MLLT10: variants seen among roughly 807,000 people sequenced by gnomAD.
The protein encoded by MLLT10 is protein AF-10.
MLLT10 carries 30 observed loss-of-function variants against 129.1 expected under a neutral mutation model. The ratio of observed to expected loss-of-function variants is 0.23; its 90% CI spans 0.17 to 0.32. MLLT10 has a LOEUF of 0.32. MLLT10 is among the 10% of genes least tolerant of loss of function. The pLI is 1.00. For missense variants in MLLT10, 1,119 were observed against 1,268.3 expected (o/e 0.88, Z 1.79); for synonymous variants, 490 against 446.4 (o/e 1.10, Z -1.23).
intron 13 of MLLT10, among the ~76,000 whole-genome samples, chr10:21,705,800 G>A (rs2055433979): frequency 2.0e-5 from 3 of 152,190 alleles, no homozygotes; most frequent in Admixed American, 2.0e-4. Flanking sequence ...TTGCTGCTTA[G>A]GTCTTAGAAC....
intron 3 of MLLT10, among the ~76,000 whole-genome samples, chr10:21,563,493 A>C (rs915490530): frequency 4.4e-4 from 67 of 152,176 alleles, no homozygotes; most frequent in African/African-American, 1.6e-3. Context: ...GCTGTACTCC[A>C]CCCTGGGCGA....
chr10:21,627,676 T>C (rs906968266), intron 8 of MLLT10, among the ~76,000 whole-genome samples: 7 of 152,236 alleles, frequency 4.6e-5, no homozygotes, highest in Non-Finnish European at 7.3e-5. Context: ...ACAGCTGTTT[T>C]CTAACAGTGG....
chr10:21,596,545 CTG>C (rs1483668768), intron 5 of MLLT10, among the ~76,000 whole-genome samples: 1 of 151,758 alleles, frequency 6.6e-6, no homozygotes, highest in Non-Finnish European at 1.5e-5. Context: ...GGAAGTTACA[CTG>C]TATTAGCTAT....
chr10:21,732,892 G>T lies in MLLT10; in HGVS notation c.2219-7G>T, dbSNP rs768655219. ...TCATTATTAAAAACTATCCAAATGT[G>T]TGGTAGTTTTAGGAATGCTGAAGTC... On this transcript the variant is annotated splice_polypyrimidine_tract_variant and splice_region_variant and intron_variant, in intron 17 of 22. Transcript: ENST00000307729. 6.2e-7 allele frequency: 1 copy of T among 1,610,722 alleles called. No individual in the cohort carries two copies. The highest frequency in any genetic ancestry group is 1.1e-5 in the South Asian group (1 of 90,636).
chr10:21,725,822 C>G (rs2057460576), intron 14 of MLLT10, among the ~76,000 whole-genome samples: 1 of 148,918 alleles, frequency 6.7e-6, no homozygotes, highest in Admixed American at 6.7e-5. Flanking sequence ...GTGATCTCCT[C>G]TCACTGCAAG....
chr10:21,673,475 T>A lies in MLLT10; in HGVS notation c.1177T>A (p.Ser393Thr), dbSNP rs2051723013. The change falls in exon 11 of 23, where the codon TCA (serine) becomes ACA (threonine). Residue 393 changes from serine to threonine, a missense_variant. Ser to Thr is a moderately conservative substitution (Grantham distance 58, BLOSUM62 1). Transcript: ENST00000307729. ...TGACAGTTACTCTCACTCCCAACAG[T>A]CATCAGCAACCAAAGATGTACATAA... ...RNDSYSHSQQ[S>T]SATKDVHKGE... is the part of the protein sequence containing the mutation. The A allele has an allele frequency of 1.9e-6, 3 of 1,613,838 alleles. No homozygotes were observed. Among genetic ancestry groups the A allele is most frequent in the East Asian group, 2.2e-5 (1 of 44,866 alleles).
chr10:21,739,023 G>T (rs539429219), intron 21 of MLLT10, among the ~76,000 whole-genome samples: 1 of 152,110 alleles, frequency 6.6e-6, no homozygotes, highest in Non-Finnish European at 1.5e-5. Flanking sequence ...GTCCAGAACC[G>T]AACAGCTGAT....
intron 13 of MLLT10, among the ~76,000 whole-genome samples, chr10:21,690,602 G>A (rs1405694089): frequency 6.6e-6 from 1 of 151,952 alleles, no homozygotes; most frequent in East Asian, 1.9e-4. Flanking sequence ...TAAATTCTCA[G>A]TGTCGCCTGA....
intron 13 of MLLT10, among the ~76,000 whole-genome samples, chr10:21,699,652 A>G (rs1397644645): frequency 2.6e-5 from 4 of 151,772 alleles, no homozygotes; most frequent in East Asian, 1.9e-4. Context: ...CGGTGTACGT[A>G]CTTGGTGCCT....
intron 8 of MLLT10, among the ~76,000 whole-genome samples, chr10:21,642,369 A>G (rs577865909): frequency 6.6e-6 from 1 of 150,788 alleles, no homozygotes; most frequent in Non-Finnish European, 1.5e-5. Flanking sequence ...AAAAATACGA[A>G]GAAGTAGCCG....
At chr10:21,673,226 A>T (rs1564622644) in intron 10 of MLLT10, 124 bp from the exon 11 acceptor site, 1 of 571,884 alleles carries the variant, frequency 1.7e-6, no homozygotes, top group East Asian at 3.1e-5. Flanking sequence ...GTTGTAGTTA[A>T]TTTTTTTAAA....
chr10:21,671,533 A>G (rs1824400989), intron 10 of MLLT10, among the ~76,000 whole-genome samples: 1 of 152,076 alleles, frequency 6.6e-6, no homozygotes, highest in South Asian at 2.1e-4. Context: ...CATGCCTGTA[A>G]TCCCAGTATT....
At chr10:21,738,602 A>C in intron 21 of MLLT10, 2 of 1,197,256 alleles carry the variant, frequency 1.7e-6, no homozygotes, top group Non-Finnish European at 2.1e-6. Context: ...TCCGCTCGAC[A>C]CTCTTGCTTG....
At chr10:21,589,347 G>A (rs189508838) in intron 4 of MLLT10, among the ~76,000 whole-genome samples, 207 of 139,432 alleles carry the variant, frequency 1.5e-3, no homozygotes, top group African/African-American at 5.0e-3. Context: ...TTTTTTAAGT[G>A]ACAGGTTTTC....
chr10:21,556,844 A>G, intron 3 of MLLT10: 1 of 1,553,202 alleles, frequency 6.4e-7, no homozygotes, highest in East Asian at 2.4e-5. Flanking sequence ...CACTTGTCAT[A>G]TGTCCTTTCT....
intron 21 of MLLT10, among the ~76,000 whole-genome samples, chr10:21,739,000 T>G (rs1466543807): frequency 1.3e-5 from 2 of 152,130 alleles, no homozygotes; most frequent in African/African-American, 2.4e-5. Context: ...AAAAGACATT[T>G]CAAACATAAC....
intron 3 of MLLT10, chr10:21,557,851 G>C (rs2038239047): frequency 2.0e-5 from 3 of 152,062 alleles, no homozygotes; most frequent in African/African-American, 7.3e-5. Flanking sequence ...TAATGCAGGG[G>C]GGTGGGTGCT....
At chr10:21,557,653 T>C (rs2038216970) in intron 3 of MLLT10, 1 of 152,264 alleles carries the variant, frequency 6.6e-6, no homozygotes, top group African/African-American at 2.4e-5. Context: ...CCATGACTGC[T>C]GGCAGCTCTT....
intron 8 of MLLT10, among the ~76,000 whole-genome samples, chr10:21,647,970 T>C (rs2048662393): frequency 1.3e-5 from 2 of 152,182 alleles, no homozygotes; most frequent in Non-Finnish European, 1.5e-5. Flanking sequence ...TTTGATGTTA[T>C]TTTAATTTTT....
Sources: gnomAD v4.1 joint callset for allele counts (sites outside exome capture counted in the v4.1 genomes callset) on GRCh38, gnomAD v4.1.1 for gene constraint, MANE v1.5 for transcripts, NCBI Gene and HGNC (gene_info 2026-07-23, HGNC 2026-07-21) for gene names.